HTT: variants seen among roughly 807,000 people sequenced by gnomAD.
HTT encodes huntingtin.
Under a neutral mutation model 362.3 loss-of-function variants are expected in HTT, and 104 were observed. The ratio of observed to expected loss-of-function variants is 0.29; its 90% CI spans 0.24 to 0.34. HTT has a LOEUF of 0.34. HTT is among the 10% of genes least tolerant of loss of function. The pLI is 1.00. For missense variants in HTT, 3,301 were observed against 3,928.6 expected (o/e 0.84, Z 4.27); for synonymous variants, 1,577 against 1,548.7 (o/e 1.02, Z -0.43).
chr4:3,113,253 A>G (rs901932556), intron 6 of HTT, among the ~76,000 whole-genome samples: 2 of 152,120 alleles, frequency 1.3e-5, no homozygotes, highest in Admixed American at 6.5e-5. Flanking sequence ...ATTCCAAACT[A>G]TTTAAGCTCA....
chr4:3,074,744 C>T lies in HTT; in HGVS notation c.-82C>T, dbSNP rs1373610522. The T allele has an allele frequency of 2.8e-6, 4 of 1,407,748 alleles. No individual in the cohort carries two copies. The highest frequency in any genetic ancestry group is 1.3e-5 in the South Asian group (1 of 78,256). 87.2% of individuals were successfully genotyped at this position (1,407,748 alleles called of 1,614,324 possible). A position where few individuals can be genotyped will look rare whatever the true frequency, so the allele number is the denominator to read the frequency against. Reference sequence around the variant, plus strand: ...TCTGCTTTTACCTGCGGCCCAGAGCCCCATTCATTGCCCCGGTGCTGAGCG... The same window carrying T: ...TCTGCTTTTACCTGCGGCCCAGAGCTCCATTCATTGCCCCGGTGCTGAGCG... On this transcript the variant is annotated 5_prime_UTR_variant, in exon 1 of 67. Transcript: ENST00000355072.
intron 29 of HTT, among the ~76,000 whole-genome samples, chr4:3,171,492 A>G (rs1463426179): frequency 1.5e-5 from 2 of 137,294 alleles, no homozygotes; most frequent in Admixed American, 7.5e-5. Context: ...TTTTTTTGAG[A>G]TGGACTTTCG....
At chr4:3,226,050 C>A (rs1006530289) in intron 57 of HTT, among the ~76,000 whole-genome samples, 4 of 151,942 alleles carry the variant, frequency 2.6e-5, no homozygotes. Flanking sequence ...AAGCAAGGAC[C>A]GTGAGACACA....
At chr4:3,106,191 A>T (rs1183737899) in intron 5 of HTT, among the ~76,000 whole-genome samples, 3 of 152,170 alleles carry the variant, frequency 2.0e-5, no homozygotes, top group African/African-American at 7.2e-5. Context: ...CGCCGCCTCT[A>T]CAAAAAATAC....
intron 1 of HTT, among the ~76,000 whole-genome samples, chr4:3,078,753 G>A (rs576681831): frequency 2.0e-5 from 3 of 149,106 alleles, no homozygotes; most frequent in East Asian, 3.9e-4. Context: ...TTTTTCCCCC[G>A]AGACGGAGTC....
At position 3,086,397 on chromosome 4, in the gene HTT, A is replaced by G. The variant is rs138042953; in HGVS notation, c.264-542A>G. ...TATAATGGGGGAAGTGAGGCCAGTC[A>G]TGGTGGCTCATACCTATAATCCCAG... On this transcript the variant is annotated intron_variant, in intron 1 of 66. Transcript: ENST00000355072. 9.9e-5 allele frequency among the ~76,000 whole-genome samples: 15 copies of G among 152,284 alleles called. No homozygotes were observed. In the East Asian group the frequency reaches 2.9e-3, roughly 29 times the overall value.
At chr4:3,113,850 C>T (rs28660254) in intron 6 of HTT, among the ~76,000 whole-genome samples, 8,636 of 151,774 alleles carry the variant, frequency 0.057, 419 homozygotes, top group African/African-American at 0.13. Context: ...GGGAGGGAGT[C>T]CTGTGGCTGG....
chr4:3,127,793 G>T (rs546778293), intron 12 of HTT, among the ~76,000 whole-genome samples, 189 bp downstream of exon 12: 29 of 151,834 alleles, frequency 1.9e-4, no homozygotes, highest in African/African-American at 6.5e-4. Context: ...GTGAAACCCT[G>T]TCTCTACTAA....
intron 21 of HTT, among the ~76,000 whole-genome samples, chr4:3,138,683 G>A (rs1008799414): frequency 6.6e-6 from 1 of 152,002 alleles, no homozygotes; most frequent in Non-Finnish European, 1.5e-5. Flanking sequence ...GTGCGATCTC[G>A]GCTCACTGCA....
chr4:3,183,014 A>G (rs1426070732), intron 37 of HTT, among the ~76,000 whole-genome samples: 3 of 151,982 alleles, frequency 2.0e-5, no homozygotes, highest in Non-Finnish European at 4.4e-5. Flanking sequence ...CTGAGTAGCA[A>G]GGACCACAGG....
rs763305431 is a variant in HTT, at chr4:3,135,945, G to A, written c.2675G>A (p.Arg892Lys). 4.4e-6 allele frequency: 7 copies of A among 1,605,028 alleles called. No homozygotes were observed. The highest frequency in any genetic ancestry group is 3.5e-5 in the Admixed American group (2 of 57,534). The change falls in exon 20 of 67, where the codon AGA becomes AAA. Residue 892 changes from arginine (R) to lysine (K), a missense_variant. Physicochemically the swap from Arg to Lys is conservative, Grantham distance 26 (BLOSUM62 2). This residue lies in a region of HTT where 2,316 missense variants were observed against 2,658.5 expected (regional missense o/e 0.87). Coordinates refer to ENST00000355072, the MANE Select transcript of HTT (RefSeq NM_001388492.1). The stretch of plus-strand genomic sequence containing the variant: ...GAGGCAAAAGCAGAAAACTTACACA[G>A]AGGGGCTCATCATTATACAGGGGTA... The part of the protein sequence containing the change: ...FLEAKAENLH[R>K]GAHHYTGLLK...
Position 3,148,166 on chromosome 4 carries a change from G to A in HTT, c.3457G>A (p.Ala1153Thr), listed in dbSNP as rs1484280561. ...SHLLKVINIC[A>T]HVLDDVAPGP... ...CCTGCTGAAGGTGATTAACATTTGTGCCCACGTCCTGGATGACGTGGCTCC... is the reference window on the plus strand; with the variant it reads ...CCTGCTGAAGGTGATTAACATTTGTACCCACGTCCTGGATGACGTGGCTCC... The change falls in exon 26 of 67, where the codon GCC (alanine) becomes ACC (threonine). Residue 1153 changes from alanine to threonine, a missense_variant. This residue lies in a region of HTT where 2,316 missense variants were observed against 2,658.5 expected (regional missense o/e 0.87). Transcript: ENST00000355072. The A allele has an allele frequency of 2.5e-6, 4 of 1,608,562 alleles. No homozygotes were observed. The South Asian group carries it at 3.3e-5, about 13-fold the overall frequency.
chr4:3,142,881 C>A lies in HTT; in HGVS notation c.3061C>A (p.Leu1021Ile), dbSNP rs767875953. 1 of 1,612,736 alleles carries A rather than the reference C, an allele frequency of 6.2e-7. No homozygotes were observed. The highest frequency in any genetic ancestry group is 2.2e-5 in the East Asian group (1 of 44,826). The change falls in exon 23 of 67, where the codon CTC becomes ATC. Residue 1021 changes from leucine to isoleucine, a missense_variant. This residue lies in a region of HTT where 2,316 missense variants were observed against 2,658.5 expected (regional missense o/e 0.87). Coordinates refer to ENST00000355072, the MANE Select transcript of HTT (RefSeq NM_001388492.1). Reference protein sequence around the residue: ...HELITSTTRALTFGCCEALCL... With the variant: ...HELITSTTRAITFGCCEALCL... ...ACTAATCACATCAACCACCAGAGCA[C>A]TCACAGTAAGTCTCTTTCTTGATCG...
intron 21 of HTT, among the ~76,000 whole-genome samples, chr4:3,138,765 C>G (rs1418022376): frequency 6.6e-6 from 1 of 152,234 alleles, no homozygotes; most frequent in East Asian, 1.9e-4. Context: ...GCGAGGGCCA[C>G]CACTGCCAGC....
intron 2 of HTT, among the ~76,000 whole-genome samples, chr4:3,093,905 G>GTTTTTT (rs67455911): frequency 3.3e-4 from 8 of 23,894 alleles, no homozygotes; most frequent in African/African-American, 6.0e-4. Flanking sequence ...CTTTAAGTTG[G>GTTTTTT]TTTTTTTTTT....
At chr4:3,176,616 A>G (rs1268511835) in intron 33 of HTT, among the ~76,000 whole-genome samples, 1 of 152,164 alleles carries the variant, frequency 6.6e-6, no homozygotes, top group East Asian at 1.9e-4. Context: ...CCATTCTAGT[A>G]AGAACAAAGA....
chr4:3,164,691 C>A (rs1004815291), intron 29 of HTT, among the ~76,000 whole-genome samples: 1 of 152,046 alleles, frequency 6.6e-6, no homozygotes, highest in Non-Finnish European at 1.5e-5. Flanking sequence ...TCTTTGTCTC[C>A]TTTGAACTTT....
intron 28 of HTT, among the ~76,000 whole-genome samples, chr4:3,159,464 C>T (rs1717331194): frequency 6.6e-6 from 1 of 152,218 alleles, no homozygotes; most frequent in Admixed American, 6.5e-5. Flanking sequence ...CACATCACCT[C>T]GTTCCTTGGA....
In HTT at chr4:3,180,620, C is replaced by T; in HGVS notation, c.4718C>T (p.Ser1573Leu). The change falls in exon 36 of 67, where the codon TCA (serine) becomes TTA (leucine). Residue 1573 changes from serine (S) to leucine (L), a missense_variant. Ser to Leu is a moderately radical substitution (Grantham distance 145, BLOSUM62 -2). Transcript: ENST00000355072. Reference sequence around the variant, plus strand: ...GAAACCCAAAAAGAGGTGGTGGTGTCAATGTTACTGAGACTCATCCAGTAC... The same window carrying T: ...GAAACCCAAAAAGAGGTGGTGGTGTTAATGTTACTGAGACTCATCCAGTAC... Reference protein sequence around the residue: ...ELETQKEVVVSMLLRLIQYHQ... With the variant: ...ELETQKEVVVLMLLRLIQYHQ... 2 of 1,613,412 alleles carry T rather than the reference C, an allele frequency of 1.2e-6. No homozygotes were observed. Among genetic ancestry groups the T allele is most frequent in the South Asian group, 1.1e-5 (1 of 91,002 alleles).
Sources: gnomAD v4.1 joint callset for allele counts (sites outside exome capture counted in the v4.1 genomes callset) on GRCh38, gnomAD v4.1.1 for gene constraint, gnomAD v4.1.1 regional missense constraint, MANE v1.5 for transcripts, NCBI Gene and HGNC (gene_info 2026-07-23, HGNC 2026-07-21) for gene names.